NPC1: variants seen among roughly 807,000 people sequenced by gnomAD.
NPC1 encodes the protein Niemann-Pick C1 protein.
NPC1 carries 85 observed loss-of-function variants against 140.4 expected under a neutral mutation model. That is an observed-to-expected ratio of 0.61 (90% CI 0.51 to 0.72). NPC1 has a LOEUF of 0.72. Among genes scored for constraint, NPC1 ranks in the 30% least tolerant of loss-of-function variants. The pLI, the probability that NPC1 is intolerant of heterozygous loss-of-function variation, is 0.00. For synonymous variants in NPC1, 656 were observed against 624.8 expected, an observed-to-expected ratio of 1.05 and a Z score of -0.74; for missense variants, 1,504 against 1,623.8, an observed-to-expected ratio of 0.93 and a Z score of 1.27.
rs776893646 is a variant in NPC1, at chr18:23,532,233, C to T, written c.3806G>A (p.Gly1269Glu). 6.2e-7 allele frequency: 1 copy of T among 1,614,136 alleles called. No individual in the cohort carries two copies. The highest frequency in any genetic ancestry group is 1.3e-5 in the African/African-American group (1 of 75,034). Residue 1269 changes from glycine (G) to glutamate (E), a missense_variant, in exon 25 of 25, where the codon GGA becomes GAA. Physicochemically the swap from Gly to Glu is moderately conservative, Grantham distance 98 (BLOSUM62 -2). Transcript: ENST00000269228. ...KSCATEERYK[G>E]TERERLLNF ...ATTTAGAAGCCGTTCGCGCTCTGTT[C>T]CTTTGTATCGCTCTTCAGTGGCACA...
chr18:23,551,798 C>G, intron 9 of NPC1, 71 bp from the exon 10 acceptor site: 2 of 1,026,600 alleles, frequency 1.9e-6, no homozygotes, highest in Admixed American at 3.4e-5. Flanking sequence ...AACATTTACA[C>G]AGTGAACATT....
rs753064951 is a variant in NPC1 at position 23,535,651 on chromosome 18, T to C, written c.3295A>G (p.Ile1099Val). Residue 1099 changes from isoleucine (I) to valine (V), a missense_variant, in exon 22 of 25, where the codon ATC (isoleucine) becomes GTC (valine). Physicochemically the swap from Ile to Val is conservative, Grantham distance 29 (BLOSUM62 3). Coordinates refer to ENST00000269228, the MANE Select transcript of NPC1 (RefSeq NM_000271.5). ...CCCAGGGACACACCGAGGTTGAAGA[T>C]AGTGTCGTCAATGATGGTCAGGTAC... ...EQYLTIIDDT[I>V]FNLGVSLGAI... 3.1e-6 allele frequency: 5 copies of C among 1,614,130 alleles called. No individual in the cohort carries two copies. The highest frequency in any genetic ancestry group is 1.7e-5 in the Admixed American group (1 of 60,008).
chr18:23,516,653 ACC>A lies in NPC1; in HGVS notation c.432-10013_432-10012del, dbSNP rs1349157799. ...CTTTGTGATGCTAAGGAATTCCTTT[ACC>A]TTTCTAGCCTGATAAAACAAGAACA... On this transcript the variant is annotated intron_variant, in intron 3 of 3. Transcript: ENST00000591107. 2.6e-5 allele frequency among the ~76,000 whole-genome samples: 4 copies of A among 151,390 alleles called. No homozygotes were observed. In the South Asian group the frequency reaches 8.3e-4, roughly 32 times the overall value.
chr18:23,585,351 C>T (rs954738821), intron 1 of NPC1, among the ~76,000 whole-genome samples: 2 of 152,246 alleles, frequency 1.3e-5, no homozygotes, highest in Admixed American at 6.5e-5. Flanking sequence ...GGCTCTTAGT[C>T]CATTATTGGA....
chr18:23,529,499 G>A (rs2058419153), downstream of NPC1: 9 of 1,248,046 alleles, frequency 7.2e-6, no homozygotes, highest in East Asian at 2.4e-5. Flanking sequence ...GTTCTGGAGC[G>A]ATGTGTGCAA....
At chr18:23,532,797 T>A (rs2058556338) in intron 24 of NPC1, 6 of 825,648 alleles carry the variant, frequency 7.3e-6, no homozygotes, top group South Asian at 5.5e-5. Flanking sequence ...TTTCTTAATC[T>A]TCTACTTCAG....
intron 24 of NPC1, among the ~76,000 whole-genome samples, 189 bp from the exon 25 acceptor site, chr18:23,532,473 C>T (rs1354957005): frequency 6.6e-6 from 1 of 152,104 alleles, no homozygotes; most frequent in Non-Finnish European, 1.5e-5. Context: ...TTGCTTTCTT[C>T]CTCAGGCTGC....
At chr18:23,527,036 C>T (rs891434246), downstream of NPC1, among the ~76,000 whole-genome samples, 10 of 152,104 alleles carry the variant, frequency 6.6e-5, no homozygotes, top group Non-Finnish European at 1.0e-4. Context: ...CTGGCCTTCA[C>T]ACACACCTCT....
At chr18:23,555,088 TGGGGA>T in intron 8 of NPC1, 104 bp from the exon 9 acceptor site, 3 of 787,782 alleles carry the variant, frequency 3.8e-6, no homozygotes, top group Non-Finnish European at 6.6e-6. Flanking sequence ...AAAGAGTATT[TGGGGA>T]AAATACTTCC....
intron 1 of NPC1, among the ~76,000 whole-genome samples, chr18:23,575,615 AATT>A (rs1241612474): frequency 6.6e-6 from 1 of 152,072 alleles, no homozygotes; most frequent in Non-Finnish European, 1.5e-5. Context: ...AAATATAAGG[AATT>A]ATTATTAATG....
At chr18:23,516,167 A>G (rs1206713542) in intron 3 of NPC1, among the ~76,000 whole-genome samples, 1 of 152,202 alleles carries the variant, frequency 6.6e-6, no homozygotes, top group African/African-American at 2.4e-5. Flanking sequence ...CATTCATTCT[A>G]TGCTGGGCAG....
downstream of NPC1, among the ~76,000 whole-genome samples, chr18:23,521,259 T>C (rs902396866): frequency 8.5e-5 from 13 of 152,196 alleles, no homozygotes; most frequent in African/African-American, 2.9e-4. Flanking sequence ...TGGGAGGAAA[T>C]AGAATAATTT....
chr18:23,544,939 CA>C lies in NPC1; in HGVS notation c.1947+20del. On this transcript the variant is annotated intron_variant, in intron 12 of 24. Transcript: ENST00000269228. ...CACTGCTGTTAACCTCTAGAACATA[CA>C]CCACCCCCCCCCGGCTTACCAGAAG... 1 of 1,325,696 alleles carries C rather than the reference CA, an allele frequency of 7.5e-7. No homozygotes were observed. Among genetic ancestry groups the C allele is most frequent in the Non-Finnish European group, 1.1e-6 (1 of 951,922 alleles). 82.1% of individuals were successfully genotyped at this position (1,325,696 alleles called of 1,614,324 possible).
chr18:23,542,646 G>T (rs2058728367), intron 14 of NPC1, among the ~76,000 whole-genome samples: 1 of 152,212 alleles, frequency 6.6e-6, no homozygotes, highest in Non-Finnish European at 1.5e-5. Context: ...CTTGTAATGT[G>T]GTGAGTCAAG....
rs774955199 is a variant in NPC1, at chr18:23,554,861, C to G, written c.1450G>C (p.Val484Leu). The change falls in exon 9 of 25, where the codon GTG becomes CTG. Residue 484 changes from valine to leucine, a missense_variant. Coordinates refer to ENST00000269228, the MANE Select transcript of NPC1 (RefSeq NM_000271.5). ...PYNTNCTILS[V>L]LNYFQNSHSV... ...TGGCTGTTCTGGAAGTAATTTAACACACTCAAAATGGTGCAGTTCGTGTTA... is the reference window on the plus strand; with the variant it reads ...TGGCTGTTCTGGAAGTAATTTAACAGACTCAAAATGGTGCAGTTCGTGTTA... The G allele has an allele frequency of 6.2e-7, 1 of 1,614,144 alleles. No individual in the cohort carries two copies. Among genetic ancestry groups the G allele is most frequent in the Non-Finnish European group, 8.5e-7 (1 of 1,180,012 alleles).
intron 6 of NPC1, among the ~76,000 whole-genome samples, chr18:23,558,070 A>C (rs543015748): frequency 6.6e-6 from 1 of 152,232 alleles, no homozygotes; most frequent in Non-Finnish European, 1.5e-5. Context: ...AGCTTTCTGT[A>C]CAGAAGTCCA....
rs201021988 is a variant in NPC1 at position 23,561,447 on chromosome 18, C to T, written c.544G>A (p.Asp182Asn). ...ATCCAGTTGGTGGCATTACAGGCGT[C>T]AGCGTCCTTCCCACACAGGAGTCCC... ...ALGLLCGKDA[D>N]ACNATNWIEY... Residue 182 changes from aspartate (D) to asparagine (N), a missense_variant, in exon 5 of 25, where the codon GAC (aspartate) becomes AAC (asparagine). Transcript: ENST00000269228. The T allele has an allele frequency of 2.8e-5, 46 of 1,614,192 alleles. No individual in the cohort carries two copies. In the African/African-American group the frequency reaches 5.7e-4, roughly 20 times the overall value.
intron 3 of NPC1, among the ~76,000 whole-genome samples, chr18:23,510,475 C>A (rs2057824082): frequency 6.6e-6 from 1 of 152,156 alleles, no homozygotes; most frequent in Admixed American, 6.5e-5. Flanking sequence ...TGACGAAACC[C>A]TGTCTCTATT....
chr18:23,544,287 T>C (rs2058752288), intron 13 of NPC1, 57 bp downstream of exon 13: 6 of 1,552,608 alleles, frequency 3.9e-6, no homozygotes, highest in Middle Eastern at 1.7e-4. Context: ...CCAGGAGCCA[T>C]TCACAGTCCC....
Sources: allele counts gnomAD v4.1 joint callset (sites outside exome capture counted in the v4.1 genomes callset), GRCh38; gene constraint gnomAD v4.1.1; transcripts MANE v1.5; gene names NCBI Gene and HGNC (gene_info 2026-07-23, HGNC 2026-07-21).